The following NKAIN4 variants were observed in gnomAD, a reference collection of about 807,000 sequenced individuals.
NKAIN4 encodes sodium/potassium transporting ATPase interacting 4, also known as sodium/potassium-transporting ATPase subunit beta-1-interacting protein 4.
NKAIN4 carries 28 observed loss-of-function variants against 28.8 expected under a neutral mutation model. The observed-to-expected ratio is 0.97, with a 90% CI of 0.72 to 1.33. The LOEUF (loss-of-function observed/expected upper bound fraction) is 1.33. Among genes scored for constraint, NKAIN4 ranks in the 40% most tolerant of loss-of-function variants. NKAIN4 has a pLI of 0.00. For synonymous variants in NKAIN4, 122 were observed against 115.6 expected, an observed-to-expected ratio of 1.06 and a Z score of -0.36; for missense variants, 289 against 277.2, an observed-to-expected ratio of 1.04 and a Z score of -0.30.
Position 63,245,132 on chromosome 20 carries a change from T to G in NKAIN4, c.472-1048A>C, listed in dbSNP as rs903113877. Among the ~76,000 whole-genome samples the G allele has an allele frequency of 6.6e-6, 1 of 151,932 alleles. No homozygotes were observed. Among genetic ancestry groups the G allele is most frequent in the Non-Finnish European group, 1.5e-5 (1 of 67,968 alleles). ...ACCCCATCTGGTACAGGCAAGTTGGTGGTTGCTTTCCTGGAAATCCAGCTC... is the reference window on the plus strand; with the variant it reads ...ACCCCATCTGGTACAGGCAAGTTGGGGGTTGCTTTCCTGGAAATCCAGCTC... On this transcript the variant is annotated intron_variant, in intron 4 of 6. Transcript: ENST00000370316. The surrounding 1 kb of genome is among the most constrained non-coding windows in gnomAD (Gnocchi z 4.7).
At chr20:63,253,939 C>G (rs1285532835) in intron 1 of NKAIN4, 1 of 158,942 alleles carries the variant, frequency 6.3e-6, no homozygotes, top group Non-Finnish European at 1.4e-5. Flanking sequence ...CCTCCGTCAT[C>G]GCCCCACCCG....
chr20:63,251,106 G>A (rs2066950884), intron 1 of NKAIN4, among the ~76,000 whole-genome samples: 1 of 152,102 alleles, frequency 6.6e-6, no homozygotes, highest in African/African-American at 2.4e-5. Flanking sequence ...AGGTCACGTG[G>A]GTCACATGTC....
Position 63,244,066 on chromosome 20 carries a change from CACAG to C in NKAIN4, c.486_489del (p.Cys163AlafsTer47), listed in dbSNP as rs1207048536. 3.1e-6 allele frequency: 5 copies of C among 1,613,716 alleles called. No homozygotes were observed. Among genetic ancestry groups the C allele is most frequent in the Non-Finnish European group, 1.7e-6 (2 of 1,179,880 alleles). ...GTAAACACGCTGACCACCTGGCAGCCACAGACAAAGCCCAGAAGCTGAAAGACAC... is the reference window on the plus strand; with the variant it reads ...GTAAACACGCTGACCACCTGGCAGCCACAAAGCCCAGAAGCTGAAAGACAC... On this transcript the variant is annotated frameshift_variant, in exon 5 of 7. Coordinates refer to ENST00000370316, the MANE Select transcript of NKAIN4 (RefSeq NM_152864.4). LOFTEE classifies it high-confidence loss of function.
At chr20:63,247,295 G>T in intron 4 of NKAIN4, 1 of 1,370,002 alleles carries the variant, frequency 7.3e-7, no homozygotes, top group Non-Finnish European at 9.5e-7. Context: ...GGCCTGATCC[G>T]ATTCCTTCCC....
At chr20:63,248,600 C>A in intron 3 of NKAIN4, 1 of 530,924 alleles carries the variant, frequency 1.9e-6, no homozygotes, top group East Asian at 3.2e-5. Flanking sequence ...CCCACAGACG[C>A]CTTTCTTTCA....
At position 63,247,666 on chromosome 20, in the gene NKAIN4, T is replaced by C. The variant is rs2066884562; in HGVS notation, c.383A>G (p.His128Arg). 1.9e-6 allele frequency: 3 copies of C among 1,545,548 alleles called. No individual in the cohort carries two copies. The highest frequency in any genetic ancestry group is 2.5e-5 in the East Asian group (1 of 40,788). The stretch of plus-strand genomic sequence containing the variant: ...AGCACCTGACACCAGGGCCTGGCCA[T>C]GGGGGGCCCCGAGGCCCACTGCTGG... ...EVPAVGLGAP[H>R]GQALVSGAGC... The change falls in exon 4 of 7, where the codon CAT becomes CGT. Residue 128 changes from histidine (H) to arginine (R), a missense_variant. Coordinates refer to ENST00000370316, the MANE Select transcript of NKAIN4 (RefSeq NM_152864.4).
intron 4 of NKAIN4, chr20:63,246,910 G>A (rs1453796027): frequency 2.0e-6 from 2 of 985,302 alleles, no homozygotes; most frequent in Non-Finnish European, 2.4e-6. Flanking sequence ...GGCACAGCGG[G>A]GAAGTGGCCG....
chr20:63,244,734 T>C (rs1336470366), intron 4 of NKAIN4, among the ~76,000 whole-genome samples: 1 of 152,128 alleles, frequency 6.6e-6, no homozygotes, highest in African/African-American at 2.4e-5. Context: ...GACACCTGCA[T>C]CCAGGGCCAC....
intron 6 of NKAIN4, among the ~76,000 whole-genome samples, 187 bp downstream of exon 6, chr20:63,242,352 A>G (rs1324288426): frequency 2.0e-5 from 3 of 152,198 alleles, no homozygotes; most frequent in African/African-American, 4.8e-5. Context: ...AGGTCTCTGC[A>G]GCCCCAGTAC....
intron 2 of NKAIN4, among the ~76,000 whole-genome samples, chr20:63,249,530 C>G (rs955595118): frequency 2.0e-5 from 3 of 152,160 alleles, no homozygotes; most frequent in African/African-American, 7.2e-5. Context: ...TTCAGCTTCT[C>G]CAGAGGATGC....
intron 1 of NKAIN4, 179 bp downstream of exon 1, chr20:63,254,218 C>A: frequency 2.0e-6 from 1 of 499,762 alleles, no homozygotes. Context: ...CGACTCCCCA[C>A]GCCCCGCAGG....
rs138818067 is a variant in NKAIN4 at position 63,247,739 on chromosome 20, G to A, written c.310C>T (p.Arg104Cys). The change falls in exon 4 of 7, where the codon CGC (arginine) becomes TGC (cysteine). Residue 104 changes from arginine to cysteine, a missense_variant. Arg to Cys is a radical substitution (Grantham distance 180). Transcript: ENST00000370316. ...GGCCAGCGCTCACGCCACCAGGAGC[G>A]ATGCCGGGAGAGGCTGAAGGTCAGT... ...ELLTFSLSRH[R>C]SWWRERWPGC... 1.4e-4 allele frequency: 209 copies of A among 1,484,690 alleles called. 1 individual carries two copies. In the African/African-American group the frequency reaches 2.5e-3, roughly 18 times the overall value. 92.0% of individuals were successfully genotyped at this position (1,484,690 alleles called of 1,614,324 possible).
Position 63,254,406 on chromosome 20 carries a change from A to C in NKAIN4, c.45T>G (p.Ala15=). Residue 15 remains alanine, a synonymous_variant, in exon 1 of 7, where the codon GCT becomes GCG. Transcript: ENST00000370316. ...AGGGGTCGCCACTCACCAGCTGAAA[A>C]GCGCAGAGGACGACGAGCGCGCAGC... The part of the protein sequence containing the change: ...SGRCALVVLC[A]FQLVAALERQ... 6.9e-7 allele frequency: 1 copy of C among 1,449,388 alleles called. No homozygotes were observed. Among genetic ancestry groups the C allele is most frequent in the Non-Finnish European group, 9.1e-7 (1 of 1,102,346 alleles). 89.8% of individuals were successfully genotyped at this position (1,449,388 alleles called of 1,614,324 possible).
In NKAIN4 at chr20:63,254,424, C is replaced by G; in HGVS notation, c.27G>C (p.Ala9=). 5 of 1,440,844 alleles carry G rather than the reference C, an allele frequency of 3.5e-6. No homozygotes were observed. The highest frequency in any genetic ancestry group is 4.6e-6 in the Non-Finnish European group (5 of 1,097,396). The allele number at this position is 1,440,844 out of a possible 1,614,324, so 89.3% of individuals were successfully genotyped here. A position where few individuals can be genotyped will look rare whatever the true frequency, so the allele number is the denominator to read the frequency against. The change falls in exon 1 of 7, where the codon GCG becomes GCC. Residue 9 remains alanine (A), a synonymous_variant. Transcript: ENST00000370316. ...GCTGAAAAGCGCAGAGGACGACGAGCGCGCAGCGGCCGGAGCAGGAGCCCA... is the reference window on the plus strand; with the variant it reads ...GCTGAAAAGCGCAGAGGACGACGAGGGCGCAGCGGCCGGAGCAGGAGCCCA... MGSCSGRC[A]LVVLCAFQLV...
At chr20:63,247,532 C>G (rs1483280151) in intron 4 of NKAIN4, 46 bp downstream of exon 4, 2 of 1,547,536 alleles carry the variant, frequency 1.3e-6, no homozygotes, top group Admixed American at 2.0e-5. Flanking sequence ...ATGTCCCCTC[C>G]CCCATCAACC....
chr20:63,249,010 C>T (rs745474316), intron 2 of NKAIN4, 115 bp from the exon 3 acceptor site: 2 of 726,724 alleles, frequency 2.8e-6, no homozygotes, highest in East Asian at 2.7e-5. Flanking sequence ...GGCCTCTGCT[C>T]CTGAGTCTGG....
chr20:63,254,557 C>G, upstream of NKAIN4: 1 of 813,768 alleles, frequency 1.2e-6, no homozygotes. Context: ...CTCCGCATCC[C>G]GTTCCCCCCT....
At chr20:63,249,836 G>C (rs2066924250) in intron 2 of NKAIN4, 99 bp downstream of exon 2, 1 of 1,306,462 alleles carries the variant, frequency 7.7e-7, no homozygotes, top group Non-Finnish European at 1.1e-6. Context: ...GGGGTGTTCA[G>C]TGGTGTCCAG....
intron 1 of NKAIN4, among the ~76,000 whole-genome samples, chr20:63,251,926 G>T (rs2066967305): frequency 6.6e-6 from 1 of 152,188 alleles, no homozygotes; most frequent in South Asian, 2.1e-4. Flanking sequence ...GAGGAGGGAT[G>T]TCTGCCCTGC....
Sources: allele counts gnomAD v4.1 joint callset (sites outside exome capture counted in the v4.1 genomes callset), GRCh38; gene constraint gnomAD v4.1.1; non-coding constraint Gnocchi (gnomAD v3.1); transcripts MANE v1.5; gene names NCBI Gene and HGNC (gene_info 2026-07-23, HGNC 2026-07-21).